FYCO1: variants seen among roughly 807,000 people sequenced by gnomAD.
The protein encoded by FYCO1 is FYVE and coiled-coil domain-containing protein 1.
FYCO1 carries 122 observed loss-of-function variants against 165.1 expected under a neutral mutation model. The observed-to-expected ratio is 0.74, with a 90% CI of 0.64 to 0.86. The LOEUF is 0.86. FYCO1 is among the 40% of genes least tolerant of loss of function. The pLI is 0.00. For missense variants in FYCO1, 1,702 were observed against 1,810.3 expected (o/e 0.94, Z 1.09); for synonymous variants, 648 against 742.5 (o/e 0.87, Z 2.07).
chr3:45,942,205 T>C (rs1704271582), intron 14 of FYCO1, among the ~76,000 whole-genome samples: 1 of 152,272 alleles, frequency 6.6e-6, no homozygotes, highest in South Asian at 2.1e-4. Flanking sequence ...CAGGAAGCAC[T>C]GGCTTTGCAG....
intron 1 of FYCO1, among the ~76,000 whole-genome samples, chr3:45,990,426 A>G (rs1395548863): frequency 6.6e-6 from 1 of 152,232 alleles, no homozygotes; most frequent in African/African-American, 2.4e-5. Context: ...AAGTGCTTTG[A>G]TAAGAACAAG....
chr3:45,967,508 C>G lies in FYCO1; in HGVS notation c.1826G>C (p.Ser609Thr). The change falls in exon 8 of 18, where the codon AGC becomes ACC. Residue 609 changes from serine to threonine, a missense_variant. Transcript: ENST00000296137. ...GGCCTGCCGGAGCTCTTCCTCCTGG[C>G]TGCCCTCTTGCACCTTGGTATCGTC... ...QLDDTKVQEG[S>T]QEEELRQANR... is the part of the protein sequence containing the mutation. 6.2e-7 allele frequency: 1 copy of G among 1,613,716 alleles called. No individual in the cohort carries two copies. The highest frequency in any genetic ancestry group is 8.5e-7 in the Non-Finnish European group (1 of 1,179,962).
chr3:45,925,006 T>A (rs539428764), intron 16 of FYCO1, among the ~76,000 whole-genome samples: 108 of 152,262 alleles, frequency 7.1e-4, no homozygotes, highest in Non-Finnish European at 1.5e-3. Context: ...CTTGGCTCAC[T>A]GCAACCTGTG....
At chr3:45,974,812 AGT>A (rs1706648664) in intron 5 of FYCO1, among the ~76,000 whole-genome samples, 1 of 151,368 alleles carries the variant, frequency 6.6e-6, no homozygotes, top group Non-Finnish European at 1.5e-5. Context: ...GCTACCCACC[AGT>A]CTCCAGTGTG....
chr3:45,959,563 A>G, intron 11 of FYCO1, 21 bp from the exon 12 acceptor site: 1 of 1,611,440 alleles, frequency 6.2e-7, no homozygotes, highest in Admixed American at 1.7e-5. Context: ...ACCACATTGG[A>G]AGAAAAGGAG....
intron 1 of FYCO1, among the ~76,000 whole-genome samples, chr3:45,988,054 C>T (rs1382925111): frequency 6.6e-6 from 1 of 152,110 alleles, no homozygotes; most frequent in African/African-American, 2.4e-5. Flanking sequence ...TGAGCTGTTC[C>T]CAGCCACTCA....
rs982746284 is a variant in FYCO1 at position 45,995,719 on chromosome 3, T to TA, written c.-113+2dup. 2 of 152,686 alleles carry TA rather than the reference T, an allele frequency of 1.3e-5. No individual in the cohort carries two copies. Among genetic ancestry groups the TA allele is most frequent in the Non-Finnish European group, 2.9e-5 (2 of 68,090 alleles). The allele number at this position is 152,686 out of a possible 1,614,324, so 9.5% of individuals were successfully genotyped here. A position where few individuals can be genotyped will look rare whatever the true frequency, so the allele number is the denominator to read the frequency against. On this transcript the variant is annotated splice_region_variant and intron_variant, in intron 1 of 17. Coordinates refer to ENST00000296137, the MANE Select transcript of FYCO1 (RefSeq NM_024513.4). ...AGTCCAGCCGGTCTTCCGCGGCACT[T>TA]ACGCGCTCGTGGGTCCACCGCCGGG...
At chr3:45,937,875 A>T (rs1387988346) in intron 14 of FYCO1, among the ~76,000 whole-genome samples, 1 of 152,162 alleles carries the variant, frequency 6.6e-6, no homozygotes, top group African/African-American at 2.4e-5. Context: ...CGGGACAAAC[A>T]GAAACAGGGA....
At chr3:45,931,004 G>C in intron 16 of FYCO1, 67 bp downstream of exon 16, 1 of 1,475,030 alleles carries the variant, frequency 6.8e-7, no homozygotes, top group South Asian at 1.2e-5. Flanking sequence ...GCCCTGCTTT[G>C]AGAAAGGCCT....
chr3:45,932,938 T>C, intron 15 of FYCO1, among the ~76,000 whole-genome samples: 1 of 152,194 alleles, frequency 6.6e-6, no homozygotes, highest in East Asian at 1.9e-4. Flanking sequence ...AAAAAGTCAC[T>C]TACCCTGACA....
chr3:45,987,009 G>T (rs893073509), intron 1 of FYCO1, among the ~76,000 whole-genome samples: 3 of 152,190 alleles, frequency 2.0e-5, no homozygotes, highest in Admixed American at 6.5e-5. Flanking sequence ...CAATGGAAGA[G>T]GCTCACGTAG....
rs772412766 is a variant in FYCO1 at position 45,968,191 on chromosome 3, C to T, written c.1143G>A (p.Thr381=). Residue 381 remains threonine, a synonymous_variant, in exon 8 of 18, where the codon ACG becomes ACA. Transcript: ENST00000296137. Reference sequence around the variant, plus strand: ...CTTGCCGGCCCTTTGTGTCTGATGCCGTATCTGCCTTCTGCTGAGCCATGG... The same window carrying T: ...CTTGCCGGCCCTTTGTGTCTGATGCTGTATCTGCCTTCTGCTGAGCCATGG... The part of the protein sequence containing the change: ...WLAMAQQKAD[T]ASDTKGRQEP... 2.0e-5 allele frequency: 32 copies of T among 1,613,868 alleles called. No homozygotes were observed. The highest frequency in any genetic ancestry group is 1.5e-4 in the Admixed American group (9 of 60,004).
At chr3:45,926,672 T>C (rs906467204) in intron 16 of FYCO1, among the ~76,000 whole-genome samples, 6 of 152,134 alleles carry the variant, frequency 3.9e-5, no homozygotes, top group African/African-American at 1.4e-4. Flanking sequence ...GCATCTATAA[T>C]AGAATATTCC....
rs898892996 is a variant in FYCO1 at position 45,943,967 on chromosome 3, A to T, written c.3945-7424T>A. 7.2e-5 allele frequency among the ~76,000 whole-genome samples: 11 copies of T among 152,338 alleles called. No homozygotes were observed. The South Asian group carries it at 1.9e-3, about 26-fold the overall frequency. On this transcript the variant is annotated intron_variant, in intron 14 of 17. Transcript: ENST00000296137. The stretch of plus-strand genomic sequence containing the variant: ...AACATACTACTGTAGAAACTTTGAA[A>T]ACTATTTTAAAAAAAGGAAGAAATA...
chr3:45,977,398 T>TATATATATAA (rs1208731274), intron 4 of FYCO1, among the ~76,000 whole-genome samples: 1 of 63,470 alleles, frequency 1.6e-5, no homozygotes, highest in Non-Finnish European at 3.6e-5. Context: ...TATATATATA[T>TATATATATAA]ATATATATAA....
chr3:45,924,156 C>T (rs1469090524), intron 16 of FYCO1, among the ~76,000 whole-genome samples: 1 of 152,140 alleles, frequency 6.6e-6, no homozygotes, highest in Non-Finnish European at 1.5e-5. Flanking sequence ...GCCCTTGGGT[C>T]TCGCAGGACA....
Position 45,918,629 on chromosome 3 carries a change from T to C in FYCO1, c.*3136A>G, listed in dbSNP as rs1346342929. The stretch of plus-strand genomic sequence containing the variant: ...TTTCATCAGTGGACATCCAACCATA[T>C]CATAAAACACAGGCTCTGTGATTTC... On this transcript the variant is annotated 3_prime_UTR_variant, in exon 18 of 18. Transcript: ENST00000296137. 1.3e-5 allele frequency: 2 copies of C among 152,196 alleles called. No individual in the cohort carries two copies. The highest frequency in any genetic ancestry group is 1.5e-5 in the Non-Finnish European group (1 of 68,044). The allele number at this position is 152,196 out of a possible 1,614,324, so 9.4% of individuals were successfully genotyped here.
chr3:45,960,066 T>A (rs989115648), intron 11 of FYCO1, among the ~76,000 whole-genome samples: 1 of 152,004 alleles, frequency 6.6e-6, no homozygotes, highest in Non-Finnish European at 1.5e-5. Flanking sequence ...CTCAGAGAGA[T>A]GGTAAGGTCA....
intron 16 of FYCO1, among the ~76,000 whole-genome samples, chr3:45,925,551 T>C (rs1703285905): frequency 6.6e-6 from 1 of 152,270 alleles, no homozygotes. Flanking sequence ...GTTGTTAATA[T>C]AAGGATGCGA....
Sources: allele counts gnomAD v4.1 joint callset (sites outside exome capture counted in the v4.1 genomes callset), GRCh38; gene constraint gnomAD v4.1.1; transcripts MANE v1.5; gene names NCBI Gene and HGNC (gene_info 2026-07-23, HGNC 2026-07-21).